HCN2: variants seen among roughly 807,000 people sequenced by gnomAD.
HCN2 encodes potassium/sodium hyperpolarization-activated cyclic nucleotide-gated channel 2.
HCN2 carries 20 observed loss-of-function variants against 52.3 expected under a neutral mutation model. The observed-to-expected ratio is 0.38, with a 90% CI of 0.27 to 0.56. The LOEUF is 0.56. HCN2 is among the 20% of genes least tolerant of loss of function. HCN2 has a pLI of 0.71. For synonymous variants in HCN2, 694 were observed against 537.0 expected (o/e 1.29, Z -4.04); for missense variants, 981 against 1,207.7 (o/e 0.81, Z 2.78).
At chr19:602,653 C>T (rs918697154) in intron 1 of HCN2, among the ~76,000 whole-genome samples, 1 of 152,260 alleles carries the variant, frequency 6.6e-6, no homozygotes, top group African/African-American at 2.4e-5. Context: ...CCTCTGCACC[C>T]CGGCTCCTCT....
intron 1 of HCN2, among the ~76,000 whole-genome samples, chr19:598,960 T>A (rs1983118758): frequency 6.6e-6 from 1 of 151,734 alleles, no homozygotes; most frequent in Admixed American, 6.6e-5. Flanking sequence ...TCTTGGGGGG[T>A]GTCCCGAAGG....
chr19:615,750 C>T lies in HCN2; in HGVS notation c.1991-45C>T. On this transcript the variant is annotated intron_variant, in intron 7 of 7. Coordinates refer to ENST00000251287, the MANE Select transcript of HCN2 (RefSeq NM_001194.4). Reference sequence around the variant, plus strand: ...GTAGGTGCTCGGTGCCCGCTGTACGCAGCAGGCGCTCCCTGTGCACACGCT... The same window carrying T: ...GTAGGTGCTCGGTGCCCGCTGTACGTAGCAGGCGCTCCCTGTGCACACGCT... 3.8e-6 allele frequency: 6 copies of T among 1,597,774 alleles called. No homozygotes were observed. In the South Asian group the frequency reaches 4.4e-5, roughly 12 times the overall value.
intron 3 of HCN2, 79 bp downstream of exon 3, chr19:605,301 TA>T (rs1568364956): frequency 3.7e-5 from 51 of 1,388,724 alleles, no homozygotes; most frequent in Admixed American, 1.3e-4. Context: ...TTATCCCGCT[TA>T]CAGAGGGTTG....
chr19:598,816 G>T (rs1007331408), intron 1 of HCN2, among the ~76,000 whole-genome samples: 1 of 152,200 alleles, frequency 6.6e-6, no homozygotes, highest in East Asian at 1.9e-4. Context: ...CACCGTGTTG[G>T]CCAGGATGGT....
chr19:604,658 G>T (rs1220259605), intron 2 of HCN2, among the ~76,000 whole-genome samples: 3 of 132,724 alleles, frequency 2.3e-5, no homozygotes, highest in Non-Finnish European at 4.9e-5. Flanking sequence ...GACTATGAGG[G>T]TTGTGCTGGG....
chr19:591,468 G>C lies in HCN2; in HGVS notation c.632+891G>C, dbSNP rs1982870543. ...TGTGTTGGGACCAGGTGGCGGGCGTGCGCGTGTACGCCCGGGGCCGGTGTG... is the reference window on the plus strand; with the variant it reads ...TGTGTTGGGACCAGGTGGCGGGCGTCCGCGTGTACGCCCGGGGCCGGTGTG... On this transcript the variant is annotated intron_variant, in intron 1 of 7. Transcript: ENST00000251287. This position sits in a 1 kb window ranked among gnomAD's most constrained non-coding sequence, Gnocchi z 4.1. 6.6e-6 allele frequency among the ~76,000 whole-genome samples: 1 copy of C among 152,182 alleles called. No homozygotes were observed. Among genetic ancestry groups the C allele is most frequent in the African/African-American group, 2.4e-5 (1 of 41,442 alleles).
At chr19:614,603 C>G (rs1255380224) in intron 7 of HCN2, among the ~76,000 whole-genome samples, 3 of 152,102 alleles carry the variant, frequency 2.0e-5, no homozygotes, top group Admixed American at 1.3e-4. Flanking sequence ...GAAAAGAGGC[C>G]TAGAGTCCAG....
At position 590,593 on chromosome 19, in the gene HCN2, G is replaced by A. The variant is rs200896149; in HGVS notation, c.632+16G>A. ...GCGACTTCAGGTACCGCCTCCGGGA[G>A]GGCCGGTCGGCGCGAGGGGGCCCGG... On this transcript the variant is annotated intron_variant, in intron 1 of 7. Coordinates refer to ENST00000251287, the MANE Select transcript of HCN2 (RefSeq NM_001194.4). The surrounding 1 kb of genome is among the most constrained non-coding windows in gnomAD (Gnocchi z 7.2). 3 of 1,390,324 alleles carry A rather than the reference G, an allele frequency of 2.2e-6. No homozygotes were observed. The highest frequency in any genetic ancestry group is 5.9e-5 in the East Asian group (2 of 34,154). The allele number at this position is 1,390,324 out of a possible 1,614,324, so 86.1% of individuals were successfully genotyped here. A position where few individuals can be genotyped will look rare whatever the true frequency, so the allele number is the denominator to read the frequency against.
rs1364141053 is a variant in HCN2 at position 617,006 on chromosome 19, C to T, written c.*532C>T. Reference sequence around the variant, plus strand: ...TCCAGCACTGGCACCGAGAGGCAGGCCTGGCTGCGCAGGGCGCGGGGGGGA... The same window carrying T: ...TCCAGCACTGGCACCGAGAGGCAGGTCTGGCTGCGCAGGGCGCGGGGGGGA... On this transcript the variant is annotated 3_prime_UTR_variant, in exon 8 of 8. Transcript: ENST00000251287. 2 of 494,460 alleles carry T rather than the reference C, an allele frequency of 4.0e-6. No homozygotes were observed. The highest frequency in any genetic ancestry group is 3.6e-5 in the East Asian group (1 of 27,662). 30.6% of individuals were successfully genotyped at this position (494,460 alleles called of 1,614,324 possible).
In HCN2 at chr19:616,357, G is replaced by C; in HGVS notation, c.2553G>C (p.Thr851=). 3 of 1,213,240 alleles carry C rather than the reference G, an allele frequency of 2.5e-6. No homozygotes were observed. Among genetic ancestry groups the C allele is most frequent in the Non-Finnish European group, 3.1e-6 (3 of 965,078 alleles). 75.2% of individuals were successfully genotyped at this position (1,213,240 alleles called of 1,614,324 possible). A position where few individuals can be genotyped will look rare whatever the true frequency, so the allele number is the denominator to read the frequency against. The change falls in exon 8 of 8, where the codon ACG becomes ACC. Residue 851 remains threonine (T), a synonymous_variant. Coordinates refer to ENST00000251287, the MANE Select transcript of HCN2 (RefSeq NM_001194.4). ...GCTCCACACCGCGCTTGGGGCCCAC[G>C]CCCGCTGCCCGGGCCGCCGCGCCCA... ...ASSSTPRLGP[T]PAARAAAPSP...
At chr19:610,591 C>T (rs10405282) in intron 5 of HCN2, among the ~76,000 whole-genome samples, 186 bp downstream of exon 5, 10,576 of 152,176 alleles carry the variant, frequency 0.069, 1,216 homozygotes, top group African/African-American at 0.24. Context: ...CCAGGACCCC[C>T]GCCACCCCCG....
chr19:590,172 G>A lies in HCN2; in HGVS notation c.227G>A (p.Arg76His), dbSNP rs113534512. Residue 76 changes from arginine to histidine, a missense_variant, in exon 1 of 8, where the codon CGC (arginine) becomes CAC (histidine). Arg to His is a conservative substitution (Grantham distance 29). Coordinates refer to ENST00000251287, the MANE Select transcript of HCN2 (RefSeq NM_001194.4). The surrounding 1 kb of genome is among the most constrained non-coding windows in gnomAD (Gnocchi z 7.2). ...ADEGGPRGRL[R>H]SRDSSCGRPG... ...GAGGGCGGCCCGCGGGGCCGGCTCC[G>A]CAGCCGCGACAGCTCGTGCGGCCGC... 0.48 allele frequency: 472,958 copies of A among 976,302 alleles called. 118,627 individuals carry two copies. Among genetic ancestry groups the A allele is most frequent in the Non-Finnish European group, 0.52 (426,360 of 826,036 alleles). 60.5% of individuals were successfully genotyped at this position (976,302 alleles called of 1,614,324 possible). A position where few individuals can be genotyped will look rare whatever the true frequency, so the allele number is the denominator to read the frequency against.
chr19:601,471 T>C (rs1432111927), intron 1 of HCN2, among the ~76,000 whole-genome samples: 1 of 152,202 alleles, frequency 6.6e-6, no homozygotes, highest in Non-Finnish European at 1.5e-5. Context: ...GATGGGCACC[T>C]GGGCTGCCTC....
chr19:611,555 G>A (rs1313614222), intron 5 of HCN2, among the ~76,000 whole-genome samples: 3 of 152,222 alleles, frequency 2.0e-5, no homozygotes, highest in Non-Finnish European at 4.4e-5. Context: ...TTGCTCCCAG[G>A]AGGCACACAC....
chr19:612,653 G>A (rs879420412), intron 5 of HCN2, among the ~76,000 whole-genome samples: 3 of 151,998 alleles, frequency 2.0e-5, no homozygotes, highest in Admixed American at 6.6e-5. Context: ...GACATCAGGC[G>A]ATCCACCCAC....
chr19:599,345 G>A (rs934404203), intron 1 of HCN2, among the ~76,000 whole-genome samples: 3 of 152,192 alleles, frequency 2.0e-5, no homozygotes, highest in Admixed American at 2.0e-4. Context: ...GGTCCCGGCG[G>A]CCACGCCAGC....
In HCN2 at chr19:610,427, C is replaced by A. The variant is rs370146948; in HGVS notation, c.1584+22C>A. ...GGAGGTGAGGCGGGCGCCGGGCGGG[C>A]GGGAGGCAGCCTCCGGTACAGGGCC... On this transcript the variant is annotated intron_variant, in intron 5 of 7. Coordinates refer to ENST00000251287, the MANE Select transcript of HCN2 (RefSeq NM_001194.4). The A allele has an allele frequency of 1.9e-6, 3 of 1,606,070 alleles. No individual in the cohort carries two copies. The African/African-American group carries it at 4.0e-5, about 21-fold the overall frequency.
intron 3 of HCN2, among the ~76,000 whole-genome samples, chr19:607,356 G>A (rs2144521996): frequency 6.6e-6 from 1 of 152,362 alleles, no homozygotes; most frequent in Non-Finnish European, 1.5e-5. Context: ...TATGGGACTT[G>A]GGATGTGTTT....
chr19:594,830 C>T (rs1285191516), intron 1 of HCN2, among the ~76,000 whole-genome samples: 2 of 152,054 alleles, frequency 1.3e-5, no homozygotes, highest in Non-Finnish European at 2.9e-5. Context: ...CTCTGGTCTG[C>T]GTGGAGGGGT....
Sources: allele counts gnomAD v4.1 joint callset (sites outside exome capture counted in the v4.1 genomes callset), GRCh38; gene constraint gnomAD v4.1.1; non-coding constraint Gnocchi (gnomAD v3.1); transcripts MANE v1.5; gene names NCBI Gene and HGNC (gene_info 2026-07-23, HGNC 2026-07-21).